Variants in BTBD9 observed in about 807,000 individuals in gnomAD.
BTBD9 encodes the protein BTB domain containing 9.
Under a neutral mutation model 64.3 loss-of-function variants are expected in BTBD9, and 49 were observed. The ratio of observed to expected loss-of-function variants is 0.76; its 90% CI spans 0.61 to 0.97. The LOEUF (loss-of-function observed/expected upper bound fraction) is 0.97, where lower values mean the gene tolerates loss of function less well. Ranked by LOEUF, BTBD9 falls within the 50% of genes least tolerant of loss-of-function variation. The probability of loss-of-function intolerance (pLI) is 0.00; values close to 1 mark genes in which losing one functional copy is unlikely to be tolerated. For missense variants in BTBD9, 598 were observed against 762.1 expected (o/e 0.78, Z 2.53); for synonymous variants, 260 against 274.7 (o/e 0.95, Z 0.53).
intron 6 of BTBD9, among the ~76,000 whole-genome samples, chr6:38,382,516 C>CA (rs35186359): frequency 0.034 from 2,042 of 59,774 alleles, 49 homozygotes; most frequent in African/African-American, 0.1. Context: ...GACCTTGTCT[C>CA]AAAAAAAAAA....
At chr6:38,401,180 TCC>T (rs1204280950) in intron 6 of BTBD9, among the ~76,000 whole-genome samples, 1 of 152,192 alleles carries the variant, frequency 6.6e-6, no homozygotes, top group Non-Finnish European at 1.5e-5. Context: ...GGGGACTGTT[TCC>T]CCATGCTGTT....
At chr6:38,305,704 G>A (rs1356209466) in intron 7 of BTBD9, among the ~76,000 whole-genome samples, 2 of 151,866 alleles carry the variant, frequency 1.3e-5, no homozygotes, top group African/African-American at 2.4e-5. Flanking sequence ...GGCTGGTCTC[G>A]AACTTGTGAC....
At chr6:38,573,464 C>T (rs1775873765) in intron 6 of BTBD9, among the ~76,000 whole-genome samples, 2 of 152,174 alleles carry the variant, frequency 1.3e-5, no homozygotes, top group Admixed American at 1.3e-4. Flanking sequence ...CCCATCTCAA[C>T]ACCCTGTCTG....
chr6:38,417,795 AGAG>A (rs1767735681), intron 6 of BTBD9, among the ~76,000 whole-genome samples: 13 of 103,266 alleles, frequency 1.3e-4, no homozygotes, highest in Admixed American at 1.0e-4. Context: ...AGAGAGAGAG[AGAG>A]AGAAAAAAAA....
At chr6:38,401,112 C>T (rs9349078) in intron 6 of BTBD9, among the ~76,000 whole-genome samples, 60,753 of 151,990 alleles carry the variant, frequency 0.4, 15,062 homozygotes, top group East Asian at 0.95. Flanking sequence ...CAAATCTCAT[C>T]TCGAATTGTA....
intron 6 of BTBD9, among the ~76,000 whole-genome samples, chr6:38,538,980 G>C (rs1264505385): frequency 1.5e-4 from 23 of 152,070 alleles, no homozygotes; most frequent in Admixed American, 1.5e-3. Context: ...AGGGGTTGTT[G>C]TTGTTTTTGA....
chr6:38,297,739 T>A (rs1762209850), intron 7 of BTBD9, among the ~76,000 whole-genome samples: 1 of 152,200 alleles, frequency 6.6e-6, no homozygotes, highest in African/African-American at 2.4e-5. Flanking sequence ...ATGACTCCCA[T>A]TAATTGTTAT....
intron 1 of BTBD9, among the ~76,000 whole-genome samples, chr6:38,601,701 AAAAG>A: frequency 6.6e-6 from 1 of 152,298 alleles, no homozygotes; most frequent in East Asian, 1.9e-4. Flanking sequence ...AATAAAAAAG[AAAAG>A]AAAGAAAACC....
intron 6 of BTBD9, among the ~76,000 whole-genome samples, chr6:38,400,377 A>T (rs1766875066): frequency 6.6e-6 from 1 of 152,096 alleles, no homozygotes; most frequent in African/African-American, 2.4e-5. Flanking sequence ...TTAGTGTCTC[A>T]ATCTATTCCT....
At chr6:38,180,925 A>C (rs1433735226) in intron 10 of BTBD9, among the ~76,000 whole-genome samples, 1 of 152,134 alleles carries the variant, frequency 6.6e-6, no homozygotes, top group Non-Finnish European at 1.5e-5. Flanking sequence ...GCTGTTTATG[A>C]TCACTTTGCC....
At chr6:38,283,107 T>C (rs1490069468) in intron 8 of BTBD9, among the ~76,000 whole-genome samples, 4 of 152,184 alleles carry the variant, frequency 2.6e-5, no homozygotes, top group Non-Finnish European at 5.9e-5. Flanking sequence ...GAGTCTACCC[T>C]TTCTAGTATA....
intron 2 of BTBD9, chr6:38,596,184 T>G (rs1777024025): frequency 2.2e-6 from 1 of 445,608 alleles, no homozygotes; most frequent in Admixed American, 6.4e-5. Context: ...GCATTGAGCT[T>G]AGCTCTAAGG....
At chr6:38,313,519 T>C (rs1488973996) in intron 7 of BTBD9, among the ~76,000 whole-genome samples, 4 of 152,150 alleles carry the variant, frequency 2.6e-5, no homozygotes, top group Non-Finnish European at 4.4e-5. Context: ...TGTGGGTCTG[T>C]TTTATATGGC....
intron 2 of BTBD9, 131 bp from the exon 3 acceptor site, chr6:38,594,458 G>T: frequency 9.0e-7 from 1 of 1,112,740 alleles, no homozygotes; most frequent in Non-Finnish European, 1.2e-6. Flanking sequence ...GTGAAAAAAT[G>T]CAAAGTAATC....
chr6:38,312,178 G>A (rs1222313762), intron 7 of BTBD9, among the ~76,000 whole-genome samples: 2 of 152,028 alleles, frequency 1.3e-5, no homozygotes, highest in African/African-American at 2.4e-5. Context: ...GCACCTTTTC[G>A]TATGCCTGTT....
intron 8 of BTBD9, among the ~76,000 whole-genome samples, chr6:38,278,268 C>A (rs1195981552): frequency 6.6e-6 from 1 of 152,134 alleles, no homozygotes. Context: ...CCCCTGTGGA[C>A]TTTTTGTTAT....
Position 38,598,203 on chromosome 6 carries a change from A to G in BTBD9, c.-27-82T>C. The G allele has an allele frequency of 2.8e-6, 3 of 1,084,354 alleles. No homozygotes were observed. The South Asian group carries it at 5.2e-5, about 19-fold the overall frequency. The allele number at this position is 1,084,354 out of a possible 1,614,324, so 67.2% of individuals were successfully genotyped here. Reference sequence around the variant, plus strand: ...TCACTTACCATAAACACAGCTAAGTAAAAATTTAAAGTGCTTAGAAAAATT... The same window carrying G: ...TCACTTACCATAAACACAGCTAAGTGAAAATTTAAAGTGCTTAGAAAAATT... On this transcript the variant is annotated intron_variant, in intron 1 of 10. Coordinates refer to ENST00000481247, the MANE Select transcript of BTBD9 (RefSeq NM_001099272.2).
chr6:38,471,242 T>C (rs1047315383), intron 6 of BTBD9, among the ~76,000 whole-genome samples: 1 of 152,188 alleles, frequency 6.6e-6, no homozygotes, highest in Non-Finnish European at 1.5e-5. Flanking sequence ...AACTGGCAAC[T>C]AACATCAGTC....
intron 6 of BTBD9, among the ~76,000 whole-genome samples, chr6:38,465,707 TTATATATATATATATA>T (rs1157324453): frequency 0.029 from 1,339 of 46,770 alleles, 37 homozygotes; most frequent in Middle Eastern, 0.043. Flanking sequence ...AATAAATAAA[TTATATATATATATATA>T]TATATATATA....
Sources: allele counts gnomAD v4.1 joint callset (sites outside exome capture counted in the v4.1 genomes callset), GRCh38; gene constraint gnomAD v4.1.1; transcripts MANE v1.5; gene names NCBI Gene and HGNC (gene_info 2026-07-23, HGNC 2026-07-21).